WDR31: variants seen among roughly 807,000 people sequenced by gnomAD.
WDR31 encodes WD repeat-containing protein 31.
In WDR31, 30 loss-of-function variants were observed where a neutral mutation model predicts 47.3. The observed-to-expected ratio is 0.63, with a 90% confidence interval of 0.47 to 0.86. The LOEUF (loss-of-function observed/expected upper bound fraction) is 0.86, where lower values mean the gene tolerates loss of function less well. WDR31 is among the 40% of genes least tolerant of loss of function. The pLI is 0.00. For missense variants in WDR31, 406 were observed against 442.9 expected (o/e 0.92, Z 0.75); for synonymous variants, 137 against 159.4 (o/e 0.86, Z 1.06).
At chr9:113,330,361 A>G (rs1225934238) in intron 4 of WDR31, among the ~76,000 whole-genome samples, 2 of 152,222 alleles carry the variant, frequency 1.3e-5, no homozygotes, top group African/African-American at 4.8e-5. Flanking sequence ...TTGGCCTCCC[A>G]AAGTGCTGGG....
At chr9:113,320,262 A>G (rs1833295412) in intron 9 of WDR31, 95 bp downstream of exon 9, 1 of 1,498,390 alleles carries the variant, frequency 6.7e-7, no homozygotes. Flanking sequence ...AGCCATTAGC[A>G]AAGCCCGCCT....
chr9:113,338,617 A>ATTT (rs35905911), intron 1 of WDR31, among the ~76,000 whole-genome samples: 1 of 139,020 alleles, frequency 7.2e-6, no homozygotes. Context: ...GTGGTACGCT[A>ATTT]TTTTTTTTTT....
chr9:113,328,111 T>C (rs1833516792), intron 5 of WDR31, among the ~76,000 whole-genome samples: 1 of 152,230 alleles, frequency 6.6e-6, no homozygotes, highest in Admixed American at 6.5e-5. Context: ...TGTCTTGTTT[T>C]ACTGGTAAAC....
intron 9 of WDR31, 149 bp from the exon 10 acceptor site, chr9:113,318,786 C>T: frequency 2.6e-6 from 2 of 764,538 alleles, no homozygotes; most frequent in South Asian, 3.5e-5. Context: ...ACAGACCCAA[C>T]AACCCATCCA....
chr9:113,322,911 T>C lies in WDR31; in HGVS notation c.470A>G (p.Asp157Gly). 18 of 1,613,914 alleles carry C rather than the reference T, an allele frequency of 1.1e-5. No homozygotes were observed. Among genetic ancestry groups the C allele is most frequent in the Non-Finnish European group, 1.5e-5 (18 of 1,179,984 alleles). Reference protein sequence around the residue: ...MVVTGLAVSPDSSQLCTGSRD... With the variant: ...MVVTGLAVSPGSSQLCTGSRD... ...AGAGCCAGTGCACAGCTGTGATGAG[T>C]CTTTGGAAACAATGGTGAGAAGACA... The change falls in exon 7 of 11, where the codon GAC (aspartate) becomes GGC (glycine). Residue 157 changes from aspartate (D) to glycine (G), a missense_variant and splice_region_variant. Transcript: ENST00000374193.
chr9:113,325,048 C>T (rs941727105), intron 5 of WDR31, among the ~76,000 whole-genome samples: 7 of 151,852 alleles, frequency 4.6e-5, no homozygotes, highest in South Asian at 4.2e-4. Context: ...CAGGTTCAAG[C>T]GATTCTCCTG....
intron 10 of WDR31, among the ~76,000 whole-genome samples, chr9:113,317,152 G>A (rs964901767): frequency 6.6e-6 from 1 of 152,076 alleles, no homozygotes; most frequent in African/African-American, 2.4e-5. Context: ...AAGAAGTGTC[G>A]GGGTCTCACC....
At chr9:113,320,191 T>C (rs1328024218) in intron 9 of WDR31, among the ~76,000 whole-genome samples, 166 bp downstream of exon 9, 1 of 152,212 alleles carries the variant, frequency 6.6e-6, no homozygotes, top group Admixed American at 6.5e-5. Context: ...TATGAATGTT[T>C]CTTAAATGAA....
chr9:113,333,813 T>C (rs1370156125), intron 2 of WDR31, among the ~76,000 whole-genome samples: 1 of 152,152 alleles, frequency 6.6e-6, no homozygotes, highest in Non-Finnish European at 1.5e-5. Flanking sequence ...CTAGCAGTTC[T>C]TAAAGTGTGA....
chr9:113,320,532 G>C lies in WDR31; in HGVS notation c.639-34C>G, dbSNP rs1286564005. 5.6e-6 allele frequency: 9 copies of C among 1,605,526 alleles called. No homozygotes were observed. The East Asian group carries it at 2.0e-4, about 36-fold the overall frequency. On this transcript the variant is annotated intron_variant, in intron 8 of 10. Transcript: ENST00000374193. ...GATTAGGGCAGGAAATTAGCTTGTA[G>C]TAAATGTGGCTGAAATACACCCGTA...
chr9:113,318,867 T>G (rs573987767), intron 9 of WDR31, among the ~76,000 whole-genome samples: 3 of 152,320 alleles, frequency 2.0e-5, no homozygotes, highest in South Asian at 4.1e-4. Flanking sequence ...CAACCCTGGT[T>G]AAGAATGTGT....
chr9:113,323,323 G>A (rs960902609), intron 5 of WDR31, among the ~76,000 whole-genome samples, 168 bp from the exon 6 acceptor site: 1 of 151,864 alleles, frequency 6.6e-6, no homozygotes, highest in African/African-American at 2.4e-5. Context: ...GGGCAGTGGT[G>A]TGATCTCAGC....
In WDR31 at chr9:113,314,622, TTTATTTA is replaced by T. The variant is rs1312212199; in HGVS notation, c.*2120_*2126del. 6.6e-6 allele frequency: 1 copy of T among 151,908 alleles called. No homozygotes were observed. The highest frequency in any genetic ancestry group is 1.5e-5 in the Non-Finnish European group (1 of 68,052). The allele number at this position is 151,908 out of a possible 1,614,324, so 9.4% of individuals were successfully genotyped here. ...ACCTTTCCTGGCATTTACTTATTTA[TTTATTTA>T]TTGAGATGGAGTTTCGCTCTTGTTG... On this transcript the variant is annotated 3_prime_UTR_variant, in exon 11 of 11. Coordinates refer to ENST00000374193, the MANE Select transcript of WDR31 (RefSeq NM_001012361.4).
chr9:113,321,531 G>A lies in WDR31; in HGVS notation c.618C>T (p.Thr206=). 1 of 1,614,150 alleles carries A rather than the reference G, an allele frequency of 6.2e-7. No individual in the cohort carries two copies. Among genetic ancestry groups the A allele is most frequent in the South Asian group, 1.1e-5 (1 of 91,080 alleles). ...CCCACCTGAGGGTTTTATCTTCAGAGGTCTGTAGTATGTATGGTTCTCTGG... is the reference window on the plus strand; with the variant it reads ...CCCACCTGAGGGTTTTATCTTCAGAAGTCTGTAGTATGTATGGTTCTCTGG... The part of the protein sequence containing the change: ...WVPREPYILQ[T]SEDKTLRLWD... Residue 206 remains threonine, a synonymous_variant, in exon 8 of 11, where the codon ACC becomes ACT. Coordinates refer to ENST00000374193, the MANE Select transcript of WDR31 (RefSeq NM_001012361.4).
Position 113,333,370 on chromosome 9 carries a change from A to ATTTTTTTT in WDR31, c.-28-1328_-28-1321dup, listed in dbSNP as rs60772699. Among the ~76,000 whole-genome samples, 298 of 102,922 alleles carry ATTTTTTTT rather than the reference A, an allele frequency of 2.9e-3. 2 individuals carry two copies. Among genetic ancestry groups the ATTTTTTTT allele is most frequent in the African/African-American group, 9.9e-3 (290 of 29,266 alleles). The allele number at this position is 102,922 out of a possible 152,430, so 67.5% of individuals were successfully genotyped here. A position where few individuals can be genotyped will look rare whatever the true frequency, so the allele number is the denominator to read the frequency against. ...GGTTATAACCTTCCTTGGTTGTTGG[A>ATTTTTTTT]TTTTTTTTTTTTTTTTTTTTTTGAG... On this transcript the variant is annotated intron_variant, in intron 2 of 10. Coordinates refer to ENST00000374193, the MANE Select transcript of WDR31 (RefSeq NM_001012361.4).
chr9:113,324,828 ATGTGTGTGTGTGTGTGTGTG>A (rs57088850), intron 5 of WDR31, among the ~76,000 whole-genome samples: 1 of 138,200 alleles, frequency 7.2e-6, no homozygotes, highest in Non-Finnish European at 1.6e-5. Flanking sequence ...ATATATATAT[ATGTGTGTGTGTGTGTGTGTG>A]TGTGTGTGTG....
intron 5 of WDR31, among the ~76,000 whole-genome samples, chr9:113,324,389 C>CTTTTTTTTTTTTT (rs536508042): frequency 5.4e-5 from 7 of 129,102 alleles, no homozygotes; most frequent in African/African-American, 2.1e-4. Context: ...AATTTCATTC[C>CTTTTTTTTTTTTT]TTTTTTTTTT....
At chr9:113,323,425 C>T (rs973983100) in intron 5 of WDR31, among the ~76,000 whole-genome samples, 1 of 152,138 alleles carries the variant, frequency 6.6e-6, no homozygotes, top group East Asian at 1.9e-4. Context: ...CCACGCCCAG[C>T]TAATTTTTGC....
rs769591650 is a variant in WDR31 at position 113,322,963 on chromosome 9, C to T, written c.469+48G>A. ...CCTGTGAGTGGGGACCTGAACGGGG[C>T]TTTTCAGAAAGCACAAAGGCATTGG... is the stretch of plus-strand genomic sequence containing the variant. On this transcript the variant is annotated intron_variant, in intron 6 of 10. Transcript: ENST00000374193. 6.2e-6 allele frequency: 10 copies of T among 1,613,522 alleles called. No individual in the cohort carries two copies. In the South Asian group the frequency reaches 1.1e-4, roughly 18 times the overall value.
Sources: allele counts gnomAD v4.1 joint callset (sites outside exome capture counted in the v4.1 genomes callset), GRCh38; gene constraint gnomAD v4.1.1; transcripts MANE v1.5; gene names NCBI Gene and HGNC (gene_info 2026-07-23, HGNC 2026-07-21).